KRT82: variants seen among roughly 807,000 people sequenced by gnomAD.
KRT82 encodes the protein keratin 82.
A neutral mutation model predicts 48.0 loss-of-function variants in KRT82; 44 were observed. That is an observed-to-expected ratio of 0.92 (90% CI 0.72 to 1.18). KRT82 has a LOEUF of 1.18. KRT82 is among the 50% of genes most tolerant of loss of function. The pLI is 0.00. For synonymous variants in KRT82, 297 were observed against 278.3 expected, an observed-to-expected ratio of 1.07 and a Z score of -0.67; for missense variants, 701 against 671.4, an observed-to-expected ratio of 1.04 and a Z score of -0.49.
chr12:52,395,371 G>A lies in KRT82; in HGVS notation c.1322-176C>T, dbSNP rs559871053. 4.0e-4 allele frequency among the ~76,000 whole-genome samples: 61 copies of A among 152,184 alleles called. No individual in the cohort carries two copies. In the South Asian group the frequency reaches 0.012, roughly 30 times the overall value. ...CCTAGCCACATAAAGTGCTTGCAAG[G>A]TCCCCATGCACCTCTCTCCTTTCCC... On this transcript the variant is annotated intron_variant, in intron 8 of 8. Coordinates refer to ENST00000257974, the MANE Select transcript of KRT82 (RefSeq NM_033033.4).
Position 52,395,770 on chromosome 12 carries a change from G to A in KRT82, c.1310C>T (p.Pro437Leu). Residue 437 changes from proline (P) to leucine (L), a missense_variant, in exon 8 of 9, where the codon CCC becomes CTC. Coordinates refer to ENST00000257974, the MANE Select transcript of KRT82 (RefSeq NM_033033.4). ...GCTCATCTACTTACAGATATTCACG[G>A]GCCCGATGCCTTCGCACAGCCTGGG... ...EEHRLCEGIG[P>L]VNISVSSSKG... 1 of 1,554,428 alleles carries A rather than the reference G, an allele frequency of 6.4e-7. No homozygotes were observed. Among genetic ancestry groups the A allele is most frequent in the Non-Finnish European group, 8.7e-7 (1 of 1,154,846 alleles).
rs576522712 is a variant in KRT82 at position 52,396,251 on chromosome 12, A to G, written c.1069-19T>C. The G allele has an allele frequency of 1.6e-5, 25 of 1,602,062 alleles. No homozygotes were observed. The South Asian group carries it at 2.3e-4, about 15-fold the overall frequency. On this transcript the variant is annotated intron_variant, in intron 6 of 8. Coordinates refer to ENST00000257974, the MANE Select transcript of KRT82 (RefSeq NM_033033.4). The stretch of plus-strand genomic sequence containing the variant: ...TGCAGCGCTGTGGGAGGGGCGCAGA[A>G]AAGCATCACTGGGGGCCCTGGAGCC...
rs372901802 is a variant in KRT82, at chr12:52,406,052, G to C, written c.226C>G (p.Pro76Ala). ...GCTCCCAGTCGGTACCCGAAGCCAG[G>C]CAGGGTACCTCCACACCTGGAGGCT... is the stretch of plus-strand genomic sequence containing the variant. ...RVASRCGGTL[P>A]GFGYRLGATC... Residue 76 changes from proline (P) to alanine (A), a missense_variant, in exon 1 of 9, where the codon CCT becomes GCT. Physicochemically the swap from Pro to Ala is conservative, Grantham distance 27 (BLOSUM62 -1). Coordinates refer to ENST00000257974, the MANE Select transcript of KRT82 (RefSeq NM_033033.4). The C allele has an allele frequency of 3.1e-6, 5 of 1,613,950 alleles. No individual in the cohort carries two copies. The highest frequency in any genetic ancestry group is 1.1e-5 in the South Asian group (1 of 91,080).
At position 52,400,038 on chromosome 12, in the gene KRT82, C is replaced by T; in HGVS notation, c.889G>A (p.Asp297Asn). Residue 297 changes from aspartate (D) to asparagine (N), a missense_variant, in exon 5 of 9, where the codon GAC (aspartate) becomes AAC (asparagine). Physicochemically the swap from Asp to Asn is conservative, Grantham distance 23. Coordinates refer to ENST00000257974, the MANE Select transcript of KRT82 (RefSeq NM_033033.4). ...GIIAEIKAQY[D>N]DIASRSKAEA... ...GCTTTGCTGCGGCTGGCGATGTCGT[C>T]ATACTGCGCCTTGATCTCAGCGATG... is the stretch of plus-strand genomic sequence containing the variant. The T allele has an allele frequency of 6.2e-7, 1 of 1,614,206 alleles. No homozygotes were observed. The highest frequency in any genetic ancestry group is 8.5e-7 in the Non-Finnish European group (1 of 1,180,026).
rs555090994 is a variant in KRT82 at position 52,406,115 on chromosome 12, G to C, written c.163C>G (p.Arg55Gly). The change falls in exon 1 of 9, where the codon CGG becomes GGG. Residue 55 changes from arginine to glycine, a missense_variant. Physicochemically the swap from Arg to Gly is moderately radical, Grantham distance 125. Coordinates refer to ENST00000257974, the MANE Select transcript of KRT82 (RefSeq NM_033033.4). ...GLRALGCLGS[R>G]SLCNVGFGRP... Reference sequence around the variant, plus strand: ...CCAAAGCCCACGTTGCACAGGCTCCGTGAGCCAAGGCAGCCCAGAGCTCGG... The same window carrying C: ...CCAAAGCCCACGTTGCACAGGCTCCCTGAGCCAAGGCAGCCCAGAGCTCGG... 4 of 1,612,976 alleles carry C rather than the reference G, an allele frequency of 2.5e-6. No individual in the cohort carries two copies. Among genetic ancestry groups the C allele is most frequent in the Non-Finnish European group, 2.5e-6 (3 of 1,179,780 alleles).
intron 4 of KRT82, 30 bp downstream of exon 4, chr12:52,400,497 C>A: frequency 6.4e-7 from 1 of 1,567,294 alleles, no homozygotes; most frequent in Non-Finnish European, 8.8e-7. Flanking sequence ...CCAGCCCTGA[C>A]TAACCACCCA....
At position 52,403,813 on chromosome 12, in the gene KRT82, C is replaced by G. The variant is rs764966626; in HGVS notation, c.508G>C (p.Glu170Gln). ...CCQTNIEPIFEGYISALRRQL... is the reference protein window; with the variant it reads ...CCQTNIEPIFQGYISALRRQL... ...CGCCGAAGGGCGCTGATATAGCCCT[C>G]GAAGATGGGCTCGATGTTGGTCTGG... is the stretch of plus-strand genomic sequence containing the variant. Residue 170 changes from glutamate to glutamine, a missense_variant, in exon 2 of 9, where the codon GAG becomes CAG. Physicochemically the swap from Glu to Gln is conservative, Grantham distance 29. Transcript: ENST00000257974. 244 of 1,613,568 alleles carry G rather than the reference C, an allele frequency of 1.5e-4. No individual in the cohort carries two copies. The highest frequency in any genetic ancestry group is 1.9e-4 in the Non-Finnish European group (228 of 1,179,884).
chr12:52,400,434 C>A (rs1939773024), intron 4 of KRT82, 93 bp downstream of exon 4: 2 of 962,702 alleles, frequency 2.1e-6, no homozygotes, highest in East Asian at 4.8e-5. Context: ...CCATGCTTGC[C>A]CTGAAATGTA....
chr12:52,404,656 C>T (rs997525653), intron 1 of KRT82, among the ~76,000 whole-genome samples: 2 of 152,336 alleles, frequency 1.3e-5, no homozygotes, highest in Middle Eastern at 3.4e-3. Flanking sequence ...TATCATTGCC[C>T]TACTTCTGGT....
In KRT82 at chr12:52,395,001, C is replaced by T. The variant is rs1440687888; in HGVS notation, c.1516G>A (p.Gly506Ser). The T allele has an allele frequency of 6.2e-7, 1 of 1,613,434 alleles. No individual in the cohort carries two copies. Among genetic ancestry groups the T allele is most frequent in the South Asian group, 1.1e-5 (1 of 91,076 alleles). The change falls in exon 9 of 9, where the codon GGC (glycine) becomes AGC (serine). Residue 506 changes from glycine to serine, a missense_variant. Gly to Ser is a moderately conservative substitution (Grantham distance 56). Transcript: ENST00000257974. The part of the protein sequence containing the change: ...RKSSMTLGAG[G>S]SSPSHKH ...TAATGCTTGTGGCTGGGGGAGCTGCCCCCAGCTCCTAGCGTCATGCTGGAT... is the reference window on the plus strand; with the variant it reads ...TAATGCTTGTGGCTGGGGGAGCTGCTCCCAGCTCCTAGCGTCATGCTGGAT...
Position 52,403,802 on chromosome 12 carries a change from G to A in KRT82, c.519C>T (p.Ile173=). The change falls in exon 2 of 9, where the codon ATC becomes ATT. Residue 173 remains isoleucine (I), a synonymous_variant. Transcript: ENST00000257974. The part of the protein sequence containing the change: ...TNIEPIFEGY[I]SALRRQLDCV... ...AGTCCAGCTGCCGCCGAAGGGCGCT[G>A]ATATAGCCCTCGAAGATGGGCTCGA... 1 of 1,613,690 alleles carries A rather than the reference G, an allele frequency of 6.2e-7. No individual in the cohort carries two copies. The highest frequency in any genetic ancestry group is 8.5e-7 in the Non-Finnish European group (1 of 1,179,944).
chr12:52,396,917 C>A lies in KRT82; in HGVS notation c.1034G>T (p.Arg345Leu), dbSNP rs769318337. Residue 345 changes from arginine (R) to leucine (L), a missense_variant, in exon 6 of 9, where the codon CGG (arginine) becomes CTG (leucine). Transcript: ENST00000257974. ...GACATTCTCGGTTTCTTGCTGCAGC[C>A]GCTGGATCAGTTTATTCATTTCCAG... is the stretch of plus-strand genomic sequence containing the variant. ...EILEMNKLIQ[R>L]LQQETENVKA... is the part of the protein sequence containing the mutation. The A allele has an allele frequency of 6.2e-7, 1 of 1,614,130 alleles. No individual in the cohort carries two copies. Among genetic ancestry groups the A allele is most frequent in the Non-Finnish European group, 8.5e-7 (1 of 1,180,008 alleles).
chr12:52,403,555 C>T (rs1264425733), intron 2 of KRT82, 146 bp downstream of exon 2: 5 of 645,726 alleles, frequency 7.7e-6, no homozygotes, highest in South Asian at 1.9e-5. Context: ...AAGTGGGGTG[C>T]CCTGCTGACA....
At chr12:52,400,450 T>TG (rs1939773132) in intron 4 of KRT82, 77 bp downstream of exon 4, 1 of 1,083,590 alleles carries the variant, frequency 9.2e-7, no homozygotes, top group Non-Finnish European at 1.4e-6. Context: ...ATGTACCCAC[T>TG]GGGCGGCCAC....
intron 2 of KRT82, 145 bp downstream of exon 2, chr12:52,403,556 C>T: frequency 1.5e-6 from 1 of 648,872 alleles, no homozygotes; most frequent in Non-Finnish European, 2.7e-6. Context: ...AGTGGGGTGC[C>T]CTGCTGACAC....
chr12:52,397,833 G>A (rs1939735013), intron 5 of KRT82, among the ~76,000 whole-genome samples: 1 of 152,170 alleles, frequency 6.6e-6, no homozygotes, highest in Non-Finnish European at 1.5e-5. Context: ...GATCATTTGA[G>A]GTCAAGAGTT....
chr12:52,401,374 G>A (rs1396827885), intron 2 of KRT82, 25 bp from the exon 3 acceptor site: 1 of 1,611,682 alleles, frequency 6.2e-7, no homozygotes, highest in East Asian at 2.2e-5. Flanking sequence ...AGGAAAAAAT[G>A]CTTTAGTCGG....
chr12:52,403,899 A>T lies in KRT82; in HGVS notation c.422T>A (p.Leu141Gln). The T allele has an allele frequency of 1.8e-5, 29 of 1,613,726 alleles. No individual in the cohort carries two copies. Among genetic ancestry groups the T allele is most frequent in the Non-Finnish European group, 2.5e-5 (29 of 1,179,912 alleles). ...CTCCAGCAGCTTGTTCTTCTGCTCC[A>T]GGAAACGGACCTGCAGCCAAGAATG... is the stretch of plus-strand genomic sequence containing the variant. Reference protein sequence around the residue: ...FASFINKVRFLEQKNKLLETK... With the variant: ...FASFINKVRFQEQKNKLLETK... The change falls in exon 2 of 9, where the codon CTG becomes CAG. Residue 141 changes from leucine to glutamine, a missense_variant. Coordinates refer to ENST00000257974, the MANE Select transcript of KRT82 (RefSeq NM_033033.4).
intron 1 of KRT82, among the ~76,000 whole-genome samples, chr12:52,404,216 C>T (rs941304620): frequency 3.3e-5 from 5 of 152,294 alleles, no homozygotes; most frequent in East Asian, 1.9e-4. Flanking sequence ...TCTCTATCCT[C>T]GTGACCTTGA....
Sources: gnomAD v4.1 joint callset for allele counts (sites outside exome capture counted in the v4.1 genomes callset) on GRCh38, gnomAD v4.1.1 for gene constraint, MANE v1.5 for transcripts, NCBI Gene and HGNC (gene_info 2026-07-23, HGNC 2026-07-21) for gene names.